Variants in NLGN4X observed in about 807,000 individuals in gnomAD.
NLGN4X encodes the protein neuroligin-4, X-linked.
A neutral mutation model predicts 40.3 loss-of-function variants in NLGN4X; 3 were observed. The observed-to-expected ratio is 0.07, with a 90% CI of 0.03 to 0.19. The LOEUF (loss-of-function observed/expected upper bound fraction) is 0.19. NLGN4X is among the 10% of genes least tolerant of loss of function. The pLI, the probability that NLGN4X is intolerant of heterozygous loss-of-function variation, is 1.00. For synonymous variants in NLGN4X, 270 were observed against 306.8 expected, an observed-to-expected ratio of 0.88 and a Z score of 1.25; for missense variants, 382 against 708.3, an observed-to-expected ratio of 0.54 and a Z score of 5.23.
intron 3 of NLGN4X, among the ~76,000 whole-genome samples, chrX:5,920,278 T>C: frequency 8.9e-6 from 1 of 112,131 alleles, no homozygotes; most frequent in Non-Finnish European, 1.9e-5. Context: ...GTTATTCCAG[T>C]AGTAGGCAAA....
intron 2 of NLGN4X, among the ~76,000 whole-genome samples, chrX:6,056,400 T>C (rs1169811213): frequency 9.1e-6 from 1 of 109,466 alleles, no homozygotes; most frequent in East Asian, 2.9e-4. Context: ...TGTTTGAACC[T>C]GGGAGGCGGA....
intron 2 of NLGN4X, among the ~76,000 whole-genome samples, chrX:6,149,364 T>A (rs1317019993): frequency 8.9e-6 from 1 of 112,189 alleles, no homozygotes; most frequent in Non-Finnish European, 1.9e-5. Flanking sequence ...ACATCCAAAG[T>A]ATTATGAAAG....
At chrX:6,038,042 G>GT (rs2147249833) in intron 2 of NLGN4X, among the ~76,000 whole-genome samples, 1 of 111,875 alleles carries the variant, frequency 8.9e-6, no homozygotes, top group East Asian at 2.8e-4. Flanking sequence ...GCTAAAAGAG[G>GT]TAATGACACA....
At chrX:5,954,528 G>A (rs1391228782) in intron 3 of NLGN4X, among the ~76,000 whole-genome samples, 18 of 104,987 alleles carry the variant, frequency 1.7e-4, no homozygotes, top group African/African-American at 4.9e-4. Flanking sequence ...GAGCCACCAC[G>A]CCAGCCTCAT....
chrX:6,227,244 G>A, intron 1 of NLGN4X: 1 of 112,933 alleles, frequency 8.9e-6, no homozygotes. Flanking sequence ...GGCTGTAGAG[G>A]TGGTGCGCCT....
rs2039451400 is a variant in NLGN4X, at chrX:6,122,678, A to G, written c.472+28317T>C. 1.8e-5 allele frequency among the ~76,000 whole-genome samples: 2 copies of G among 110,355 alleles called. 1 individual carries two copies. The highest frequency in any genetic ancestry group is 7.7e-4 in the South Asian group (2 of 2,594). The stretch of plus-strand genomic sequence containing the variant: ...TAAAAGAAAAGGAACATCCTATTTA[A>G]AAAATAATAATAATAAAATGACCCA... On this transcript the variant is annotated intron_variant, in intron 2 of 5. Coordinates refer to ENST00000381095, the MANE Select transcript of NLGN4X (RefSeq NM_181332.3).
intron 1 of NLGN4X, among the ~76,000 whole-genome samples, chrX:6,194,444 A>C (rs1479675469): frequency 1.8e-5 from 2 of 111,556 alleles, no homozygotes. Flanking sequence ...TATCTAACAG[A>C]GTACCACGTG....
chrX:6,223,618 C>T (rs1228471780), intron 1 of NLGN4X, among the ~76,000 whole-genome samples: 5 of 112,162 alleles, frequency 4.5e-5, no homozygotes, highest in African/African-American at 9.7e-5. Flanking sequence ...TGGAGCCTTT[C>T]AAAGTCCAAA....
chrX:6,012,618 G>A (rs980969036), intron 3 of NLGN4X, among the ~76,000 whole-genome samples: 4 of 111,741 alleles, frequency 3.6e-5, no homozygotes, highest in African/African-American at 1.3e-4. Context: ...TTTGAAAATA[G>A]GGTCTTTGCA....
chrX:5,987,590 T>C (rs747809751), intron 3 of NLGN4X, among the ~76,000 whole-genome samples: 2 of 112,539 alleles, frequency 1.8e-5, no homozygotes, highest in Non-Finnish European at 3.8e-5. Flanking sequence ...AGCATAAATG[T>C]TGACCAGTTA....
intron 2 of NLGN4X, among the ~76,000 whole-genome samples, chrX:6,111,017 A>G (rs1426760365): frequency 9.0e-6 from 1 of 111,092 alleles, no homozygotes; most frequent in Non-Finnish European, 1.9e-5. Context: ...CCTAACCCTA[A>G]CCCGAACCCT....
chrX:6,073,767 T>C (rs1442995785), intron 2 of NLGN4X, among the ~76,000 whole-genome samples: 1 of 111,348 alleles, frequency 9.0e-6, no homozygotes, highest in African/African-American at 3.3e-5. Flanking sequence ...GTGAATGTAC[T>C]TAATACTCTT....
At chrX:5,960,374 A>G (rs140443816) in intron 3 of NLGN4X, among the ~76,000 whole-genome samples, 1,302 of 111,114 alleles carry the variant, frequency 0.012, 18 homozygotes, top group African/African-American at 0.04. Context: ...GAAAATACAC[A>G]GAACACACTG....
Position 5,891,496 on chromosome X carries a change from T to C in NLGN4X, c.*1321A>G, listed in dbSNP as rs1274495886. Reference sequence around the variant, plus strand: ...GACACATGTCTTCCTTCAATCTGATTAGCTAAGCTGAGCAGGTACTTCATC... The same window carrying C: ...GACACATGTCTTCCTTCAATCTGATCAGCTAAGCTGAGCAGGTACTTCATC... On this transcript the variant is annotated 3_prime_UTR_variant, in exon 6 of 6. Transcript: ENST00000381095. 2.5e-5 allele frequency: 7 copies of C among 280,983 alleles called. No homozygotes were observed. Among genetic ancestry groups the C allele is most frequent in the African/African-American group, 1.7e-4 (6 of 35,233 alleles). 23.2% of individuals were successfully genotyped at this position (280,983 alleles called of 1,213,427 possible). A position where few individuals can be genotyped will look rare whatever the true frequency, so the allele number is the denominator to read the frequency against.
chrX:6,112,566 CTT>C (rs778748423), intron 2 of NLGN4X, among the ~76,000 whole-genome samples: 3 of 87,309 alleles, frequency 3.4e-5, no homozygotes, highest in Admixed American at 2.4e-4. Context: ...TCCCCGCTTT[CTT>C]TTTTTTTTTT....
intron 3 of NLGN4X, among the ~76,000 whole-genome samples, chrX:5,926,004 C>T (rs777811290): frequency 2.0e-5 from 2 of 97,793 alleles, no homozygotes; most frequent in South Asian, 5.3e-4. Context: ...GGCTGTGTCC[C>T]CACCCAAATC....
chrX:6,072,433 G>A (rs1457811184), intron 2 of NLGN4X, among the ~76,000 whole-genome samples: 2 of 111,211 alleles, frequency 1.8e-5, no homozygotes, highest in Non-Finnish European at 3.8e-5. Context: ...GAGATGCTTA[G>A]GGGACAGTTA....
At chrX:6,163,514 T>C (rs1237289655) in intron 1 of NLGN4X, among the ~76,000 whole-genome samples, 4 of 111,923 alleles carry the variant, frequency 3.6e-5, no homozygotes, top group African/African-American at 9.8e-5. Context: ...CTGTGCTCCA[T>C]TGCTTTTCAA....
chrX:6,201,349 G>A (rs1923598464), intron 1 of NLGN4X, among the ~76,000 whole-genome samples: 1 of 112,125 alleles, frequency 8.9e-6, no homozygotes, highest in South Asian at 3.7e-4. Flanking sequence ...TTGGGTGGAG[G>A]ATGAAGTATA....
Sources: allele counts gnomAD v4.1 joint callset (sites outside exome capture counted in the v4.1 genomes callset), GRCh38; gene constraint gnomAD v4.1.1; transcripts MANE v1.5; gene names NCBI Gene and HGNC (gene_info 2026-07-23, HGNC 2026-07-21).